Variants in FAM161B observed in about 807,000 individuals in gnomAD.
The protein encoded by FAM161B is FAM161 centrosomal protein B.
A neutral mutation model predicts 61.5 loss-of-function variants in FAM161B; 46 were observed. The ratio of observed to expected loss-of-function variants is 0.75; its 90% confidence interval spans 0.59 to 0.96. FAM161B has a LOEUF of 0.96. Among genes scored for constraint, FAM161B ranks in the 40% least tolerant of loss-of-function variants. The pLI is 0.00. For synonymous variants in FAM161B, 284 were observed against 302.7 expected (o/e 0.94, Z 0.64); for missense variants, 774 against 800.7 (o/e 0.97, Z 0.40).
rs542417797 is a variant in FAM161B, at chr14:73,948,922, A to AT, written c.54+1050dup. Among the ~76,000 whole-genome samples the AT allele has an allele frequency of 5.8e-3, 840 of 144,394 alleles. 4 individuals are homozygous for AT. The highest frequency in any genetic ancestry group is 0.013 in the African/African-American group (512 of 39,590). 94.7% of individuals were successfully genotyped at this position (144,394 alleles called of 152,430 possible). ...AGGCACGCGCCACCACACCTGGCTA[A>AT]TTTTTTTTTTTTTTTGAGACGGAGT... On this transcript the variant is annotated intron_variant, in intron 1 of 8. Coordinates refer to ENST00000286544, the MANE Select transcript of FAM161B (RefSeq NM_152445.3).
intron 1 of FAM161B, among the ~76,000 whole-genome samples, chr14:73,947,807 G>A (rs1013413163): frequency 6.6e-6 from 1 of 152,176 alleles, no homozygotes; most frequent in African/African-American, 2.4e-5. Context: ...GGAACTTAGG[G>A]TTGAGGGTGT....
At chr14:73,941,111 T>C in intron 4 of FAM161B, 58 bp from the exon 5 acceptor site, 5 of 472,744 alleles carry the variant, frequency 1.1e-5, no homozygotes, top group South Asian at 3.5e-5. Flanking sequence ...TTTCTATCTT[T>C]TTTTTTTTTT....
chr14:73,939,500 C>G (rs563922823), intron 5 of FAM161B, among the ~76,000 whole-genome samples: 121 of 152,254 alleles, frequency 7.9e-4, no homozygotes, highest in Non-Finnish European at 1.3e-3. Context: ...GATTGAGGCT[C>G]AAAGGAGGTA....
Position 73,932,500 on chromosome 14 carries a change from C to T in FAM161B, c.*1756G>A, listed in dbSNP as rs543742383. 6.6e-6 allele frequency: 3 copies of T among 452,354 alleles called. No homozygotes were observed. The highest frequency in any genetic ancestry group is 1.4e-4 in the East Asian group (2 of 14,336). The allele number at this position is 452,354 out of a possible 1,614,324, so 28.0% of individuals were successfully genotyped here. ...GCATCTGAGAAAATGGCAATAAAAA[C>T]AGATACTTCTGAATTTTTCCACAAA... On this transcript the variant is annotated 3_prime_UTR_variant, in exon 9 of 9. Coordinates refer to ENST00000286544, the MANE Select transcript of FAM161B (RefSeq NM_152445.3).
rs2056124584 is a variant in FAM161B, at chr14:73,950,066, G to C, written c.-40C>G. 1.9e-6 allele frequency: 3 copies of C among 1,607,294 alleles called. No individual in the cohort carries two copies. The highest frequency in any genetic ancestry group is 1.7e-6 in the Non-Finnish European group (2 of 1,179,340). On this transcript the variant is annotated 5_prime_UTR_variant, in exon 1 of 9. Coordinates refer to ENST00000286544, the MANE Select transcript of FAM161B (RefSeq NM_152445.3). ...GGCAGCAGCGACAGTGACAGCGATA[G>C]TGGCAGCAGCGGTGGCAGCGAGAGC...
chr14:73,934,725 G>C (rs2055956725), intron 8 of FAM161B, among the ~76,000 whole-genome samples: 1 of 152,050 alleles, frequency 6.6e-6, no homozygotes, highest in African/African-American at 2.4e-5. Context: ...GGGATTACAG[G>C]CGTGAGCCAC....
chr14:73,938,232 G>T, intron 5 of FAM161B, 120 bp from the exon 6 acceptor site: 2 of 1,140,412 alleles, frequency 1.8e-6, no homozygotes, highest in South Asian at 3.0e-5. Flanking sequence ...GCCAAGGCAG[G>T]TGGATCACCT....
At position 73,946,721 on chromosome 14, in the gene FAM161B, G is replaced by A. The variant is rs114773903; in HGVS notation, c.55-116C>T. On this transcript the variant is annotated intron_variant, in intron 1 of 8. Coordinates refer to ENST00000286544, the MANE Select transcript of FAM161B (RefSeq NM_152445.3). Reference sequence around the variant, plus strand: ...ATATTAGGGACTGGGGAGAATTTGGGGTCTGCCAGATGCACTGGCTCACAC... The same window carrying A: ...ATATTAGGGACTGGGGAGAATTTGGAGTCTGCCAGATGCACTGGCTCACAC... 3,696 of 1,050,964 alleles carry A rather than the reference G, an allele frequency of 3.5e-3. 80 individuals are homozygous for A. In the African/African-American group the frequency reaches 0.049, roughly 14 times the overall value. The allele number at this position is 1,050,964 out of a possible 1,614,324, so 65.1% of individuals were successfully genotyped here.
At chr14:73,949,519 A>ATT (rs35341495) in intron 1 of FAM161B, among the ~76,000 whole-genome samples, 1,742 of 138,444 alleles carry the variant, frequency 0.013, 22 homozygotes, top group African/African-American at 0.026. Flanking sequence ...CGCCTGGCCA[A>ATT]TTTTTTTTTT....
intron 7 of FAM161B, 83 bp from the exon 8 acceptor site, chr14:73,936,171 A>C (rs1594775162): frequency 7.1e-7 from 1 of 1,411,560 alleles, no homozygotes. Flanking sequence ...TTGTTACAAT[A>C]CTGCCACAAC....
At chr14:73,945,081 A>G (rs2056054997) in intron 2 of FAM161B, among the ~76,000 whole-genome samples, 196 bp from the exon 3 acceptor site, 1 of 152,180 alleles carries the variant, frequency 6.6e-6, no homozygotes, top group African/African-American at 2.4e-5. Context: ...CTCTTCTCAG[A>G]ATTGATCCAA....
chr14:73,929,033 T>G (rs1186511387), downstream of FAM161B, among the ~76,000 whole-genome samples: 1 of 152,162 alleles, frequency 6.6e-6, no homozygotes, highest in African/African-American at 2.4e-5. Flanking sequence ...TAGAAAAATA[T>G]TAACAACACA....
chr14:73,924,762 T>A, the FAM161B span: 4 of 418,642 alleles, frequency 9.6e-6, no homozygotes, highest in East Asian at 2.9e-4. Flanking sequence ...CTGCAACCTC[T>A]GCCTCCCAGG....
intron 8 of FAM161B, 124 bp from the exon 9 acceptor site, chr14:73,934,518 A>T (rs947373587): frequency 1.2e-6 from 1 of 845,936 alleles, no homozygotes; most frequent in Non-Finnish European, 1.7e-6. Flanking sequence ...AGCCCAGCTG[A>T]AGCAACCCTC....
the FAM161B span, among the ~76,000 whole-genome samples, chr14:73,924,389 T>A: frequency 6.6e-6 from 1 of 152,138 alleles, no homozygotes; most frequent in East Asian, 1.9e-4. Context: ...CACGGACCAG[T>A]GCTGGTCCAT....
In FAM161B at chr14:73,936,016, CAA is replaced by C. The variant is rs906050368; in HGVS notation, c.1736_1737del (p.Phe579CysfsTer82). 6.2e-7 allele frequency: 1 copy of C among 1,613,866 alleles called. No homozygotes were observed. The highest frequency in any genetic ancestry group is 8.5e-7 in the Non-Finnish European group (1 of 1,179,830). ...TLKQAGLEED[F>X]VRNKGQGTRA... ...CGGGTGCCTTGACCCTTGTTTCTCA[CAA>C]AGTCTTCCTCCAGCCCAGCCTGCTT... On this transcript the variant is annotated frameshift_variant, in exon 8 of 9. Coordinates refer to ENST00000286544, the MANE Select transcript of FAM161B (RefSeq NM_152445.3). LOFTEE classifies it high-confidence loss of function.
chr14:73,923,657 T>A, the FAM161B span: 4 of 1,206,544 alleles, frequency 3.3e-6, no homozygotes, highest in Non-Finnish European at 4.6e-6. Flanking sequence ...AAATTAAGCA[T>A]GAGTTCAGCT....
chr14:73,942,169 T>A (rs573980932), intron 4 of FAM161B, among the ~76,000 whole-genome samples, 200 bp downstream of exon 4: 1 of 152,164 alleles, frequency 6.6e-6, no homozygotes. Context: ...ATTTGTATTT[T>A]TCTTTTAGAG....
At chr14:73,937,800 T>C in intron 6 of FAM161B, 99 bp from the exon 7 acceptor site, 1 of 1,538,188 alleles carries the variant, frequency 6.5e-7, no homozygotes, top group Non-Finnish European at 8.9e-7. Flanking sequence ...ACACTGTAAA[T>C]TCCTATCTGA....
Sources: allele counts gnomAD v4.1 joint callset (sites outside exome capture counted in the v4.1 genomes callset), GRCh38; gene constraint gnomAD v4.1.1; transcripts MANE v1.5; gene names NCBI Gene and HGNC (gene_info 2026-07-23, HGNC 2026-07-21).